The following ARMC2 variants were observed in gnomAD, a reference collection of about 807,000 sequenced individuals.
ARMC2 encodes armadillo repeat-containing protein 2.
Under a neutral mutation model 90.3 loss-of-function variants are expected in ARMC2, and 67 were observed. The observed-to-expected ratio is 0.74, with a 90% CI of 0.61 to 0.91. The LOEUF (loss-of-function observed/expected upper bound fraction) is 0.91, where lower values mean the gene tolerates loss of function less well. Among genes scored for constraint, ARMC2 ranks in the 40% least tolerant of loss-of-function variants. The pLI, the probability that ARMC2 is intolerant of heterozygous loss-of-function variation, is 0.00. For synonymous variants in ARMC2, 393 were observed against 393.0 expected (o/e 1.00, Z 0.00); for missense variants, 920 against 1,030.9 (o/e 0.89, Z 1.47).
At chr6:108,873,154 G>A (rs931187891) in intron 4 of ARMC2, among the ~76,000 whole-genome samples, 2 of 152,176 alleles carry the variant, frequency 1.3e-5, no homozygotes, top group Non-Finnish European at 2.9e-5. Flanking sequence ...TAGCATGGAA[G>A]CAGCCATCCA....
downstream of ARMC2, among the ~76,000 whole-genome samples, chr6:108,977,046 AG>A (rs1451391112): frequency 1.3e-5 from 2 of 152,184 alleles, no homozygotes; most frequent in Non-Finnish European, 1.5e-5. Flanking sequence ...TATGTTGAAT[AG>A]GAGTGGTGAG....
chr6:109,020,707 G>C, the ARMC2 span, among the ~76,000 whole-genome samples: 2 of 152,208 alleles, frequency 1.3e-5, no homozygotes, highest in Admixed American at 1.3e-4. Flanking sequence ...GTTATATTTA[G>C]CACAGACCTC....
chr6:108,998,938 A>C, the ARMC2 span: 4 of 543,352 alleles, frequency 7.4e-6, no homozygotes, highest in South Asian at 1.0e-4. Flanking sequence ...TCACAAATAG[A>C]ACTTAACATA....
chr6:109,009,381 C>T, the ARMC2 span: 1 of 1,468,602 alleles, frequency 6.8e-7, no homozygotes, highest in Non-Finnish European at 9.0e-7. Context: ...GCGGCCCCCG[C>T]CGCACTGCTT....
the ARMC2 span, among the ~76,000 whole-genome samples, chr6:109,022,366 A>G: frequency 6.7e-6 from 1 of 150,092 alleles, no homozygotes; most frequent in East Asian, 2.0e-4. Context: ...TTTGATATTA[A>G]TAGAATATCT....
intron 8 of ARMC2, among the ~76,000 whole-genome samples, chr6:108,908,786 G>A (rs373058038): frequency 9.2e-5 from 14 of 152,030 alleles, no homozygotes; most frequent in Admixed American, 2.6e-4. Context: ...GAGAAATGTC[G>A]TAGCCGGGCA....
chr6:109,026,421 C>T, the ARMC2 span, among the ~76,000 whole-genome samples: 1 of 152,170 alleles, frequency 6.6e-6, no homozygotes, highest in African/African-American at 2.4e-5. Context: ...TGTACGAATT[C>T]TGAATAGCTT....
At chr6:108,893,435 C>G (rs1167809460) in intron 5 of ARMC2, among the ~76,000 whole-genome samples, 1 of 152,060 alleles carries the variant, frequency 6.6e-6, no homozygotes, top group Non-Finnish European at 1.5e-5. Context: ...ATCTGGCCAG[C>G]TGGGACAGTT....
chr6:108,897,647 G>A (rs1771730737), intron 6 of ARMC2, among the ~76,000 whole-genome samples: 1 of 152,050 alleles, frequency 6.6e-6, no homozygotes, highest in South Asian at 2.1e-4. Context: ...TAATGGGAAG[G>A]CCTGTGTGTT....
chr6:108,935,503 G>A (rs962706334), intron 11 of ARMC2, among the ~76,000 whole-genome samples: 12 of 152,006 alleles, frequency 7.9e-5, no homozygotes, highest in Non-Finnish European at 1.6e-4. Context: ...GTGCAGTGTT[G>A]TGATCTTGGC....
chr6:109,040,370 T>C, the ARMC2 span, among the ~76,000 whole-genome samples: 3 of 152,220 alleles, frequency 2.0e-5, no homozygotes, highest in Non-Finnish European at 4.4e-5. Flanking sequence ...TTACTGGGGT[T>C]GAAGAAGGAT....
chr6:108,855,868 G>A (rs1774537894), intron 2 of ARMC2, among the ~76,000 whole-genome samples: 1 of 152,138 alleles, frequency 6.6e-6, no homozygotes, highest in South Asian at 2.1e-4. Context: ...TTGGTCAGGT[G>A]TCTGTTAAGG....
At chr6:108,921,437 T>C (rs1466944902) in intron 10 of ARMC2, among the ~76,000 whole-genome samples, 2 of 152,124 alleles carry the variant, frequency 1.3e-5, no homozygotes, top group African/African-American at 2.4e-5. Context: ...AGGCACCGAG[T>C]GTTATCAAGG....
intron 6 of ARMC2, among the ~76,000 whole-genome samples, chr6:108,895,141 A>G (rs781501027): frequency 6.6e-6 from 1 of 151,092 alleles, no homozygotes. Flanking sequence ...TGACATTAAC[A>G]TAGTTCTTGG....
At position 108,899,579 on chromosome 6, in the gene ARMC2, G is replaced by T. The variant is rs765383379; in HGVS notation, c.749-115G>T. ...AATAGTCAGGCTTGGAGAGCAAAGG[G>T]TAATTTAATTCTCTAGTTTATTAAT... On this transcript the variant is annotated intron_variant, in intron 6 of 17. Coordinates refer to ENST00000392644, the MANE Select transcript of ARMC2 (RefSeq NM_032131.6). 19 of 769,094 alleles carry T rather than the reference G, an allele frequency of 2.5e-5. No homozygotes were observed. In the Admixed American group the frequency reaches 2.8e-4, roughly 11 times the overall value. 47.6% of individuals were successfully genotyped at this position (769,094 alleles called of 1,614,324 possible). A position where few individuals can be genotyped will look rare whatever the true frequency, so the allele number is the denominator to read the frequency against.
intron 5 of ARMC2, among the ~76,000 whole-genome samples, chr6:108,885,248 G>GTA (rs1259495633): frequency 3.5e-4 from 53 of 152,030 alleles, no homozygotes; most frequent in African/African-American, 1.2e-3. Flanking sequence ...GTGTGTGTGT[G>GTA]TGTATGTATT....
intron 12 of ARMC2, among the ~76,000 whole-genome samples, chr6:108,951,532 G>A (rs563403979): frequency 2.6e-5 from 4 of 152,340 alleles, no homozygotes; most frequent in Middle Eastern, 3.4e-3. Context: ...ATGGTTTCCG[G>A]TTGTGCAAGC....
the ARMC2 span, among the ~76,000 whole-genome samples, chr6:108,997,315 A>ATAAGGTAGCAATATGGTAG: frequency 6.6e-6 from 1 of 152,218 alleles, no homozygotes; most frequent in East Asian, 1.9e-4. Flanking sequence ...AGCAAGGAGA[A>ATAAGGTAGCAATATGGTAG]GAATCCATCT....
the ARMC2 span, among the ~76,000 whole-genome samples, chr6:109,036,355 T>C: frequency 1.3e-5 from 2 of 152,330 alleles, no homozygotes; most frequent in East Asian, 1.9e-4. Context: ...ATAATTAATA[T>C]GAATTTTAAC....
Sources: gnomAD v4.1 joint callset for allele counts (sites outside exome capture counted in the v4.1 genomes callset) on GRCh38, gnomAD v4.1.1 for gene constraint, MANE v1.5 for transcripts, NCBI Gene and HGNC (gene_info 2026-07-23, HGNC 2026-07-21) for gene names.